The following STOM variants were observed in gnomAD, a reference collection of about 807,000 sequenced individuals.
STOM encodes stomatin.
Under a neutral mutation model 30.6 loss-of-function variants are expected in STOM, and 25 were observed. That is an observed-to-expected ratio of 0.82 (90% CI 0.60 to 1.14). The LOEUF is 1.14. Among genes scored for constraint, STOM ranks in the 50% most tolerant of loss-of-function variants. The pLI is 0.00. For missense variants in STOM, 292 were observed against 365.2 expected (o/e 0.80, Z 1.63); for synonymous variants, 118 against 130.8 (o/e 0.90, Z 0.67).
chr9:121,360,074 C>T (rs1244648933), intron 1 of STOM, among the ~76,000 whole-genome samples: 3 of 152,216 alleles, frequency 2.0e-5, no homozygotes, highest in African/African-American at 7.2e-5. Flanking sequence ...TCTCCCATAA[C>T]ATACTAGAGT....
chr9:121,349,051 C>A, intron 5 of STOM, 69 bp downstream of exon 5: 2 of 1,529,434 alleles, frequency 1.3e-6, no homozygotes, highest in South Asian at 1.2e-5. Context: ...AAAAGGTTCT[C>A]AAACAACCAT....
At chr9:121,343,072 G>A (rs1436130063) in intron 6 of STOM, among the ~76,000 whole-genome samples, 1 of 152,156 alleles carries the variant, frequency 6.6e-6, no homozygotes, top group African/African-American at 2.4e-5. Flanking sequence ...ATGAATAAAG[G>A]GGGCTATTAT....
chr9:121,351,209 T>C (rs760161252), intron 4 of STOM, among the ~76,000 whole-genome samples: 7 of 152,248 alleles, frequency 4.6e-5, no homozygotes, highest in Non-Finnish European at 8.8e-5. Context: ...GTAATGTTTA[T>C]AGTGGAAAAT....
At chr9:121,345,445 C>A (rs2064280783) in intron 6 of STOM, among the ~76,000 whole-genome samples, 2 of 152,166 alleles carry the variant, frequency 1.3e-5, no homozygotes, top group South Asian at 4.1e-4. Context: ...TCTATAAAGT[C>A]TCTTAATCTT....
intron 5 of STOM, 25 bp downstream of exon 5, chr9:121,349,095 G>T: frequency 6.2e-7 from 1 of 1,609,208 alleles, no homozygotes. Flanking sequence ...CTTCTGGGGG[G>T]TAACAGCATT....
chr9:121,348,173 C>A, intron 5 of STOM, 24 bp from the exon 6 acceptor site: 1 of 1,613,886 alleles, frequency 6.2e-7, no homozygotes, highest in Non-Finnish European at 8.5e-7. Context: ...AGAAGGCAAG[C>A]TAAATCTCCT....
chr9:121,355,938 A>C, intron 2 of STOM, 115 bp downstream of exon 2: 2 of 638,944 alleles, frequency 3.1e-6, no homozygotes, highest in Non-Finnish European at 5.0e-6. Context: ...AGAAATAAGA[A>C]TTATAAGAGA....
chr9:121,370,158 G>C lies in STOM; in HGVS notation c.30C>G (p.Ser10=), dbSNP rs754859731. ...AGGAGTCGGGGAGCCGCTGGGCTTC[G>C]GAGTCCCGTGTGTGCCGCTTCTCGG... MAEKRHTRD[S]EAQRLPDSFK... The change falls in exon 1 of 7, where the codon TCC becomes TCG. Residue 10 remains serine, a synonymous_variant. Coordinates refer to ENST00000286713, the MANE Select transcript of STOM (RefSeq NM_004099.6). 3.2e-6 allele frequency: 5 copies of C among 1,547,580 alleles called. No homozygotes were observed. In the South Asian group the frequency reaches 6.0e-5, roughly 18 times the overall value.
At position 121,349,390 on chromosome 9, in the gene STOM, T is replaced by G; in HGVS notation, c.322-67A>C. The G allele has an allele frequency of 2.1e-6, 3 of 1,399,468 alleles. No homozygotes were observed. The South Asian group carries it at 3.5e-5, about 16-fold the overall frequency. The allele number at this position is 1,399,468 out of a possible 1,614,324, so 86.7% of individuals were successfully genotyped here. On this transcript the variant is annotated intron_variant, in intron 4 of 6. Transcript: ENST00000286713. ...TTTTTTAACATAACTGTAAGGAATGTTATTCTACAGAATATCTTATAACAC... is the reference window on the plus strand; with the variant it reads ...TTTTTTAACATAACTGTAAGGAATGGTATTCTACAGAATATCTTATAACAC...
intron 1 of STOM, chr9:121,366,373 A>T (rs1017453815): frequency 9.7e-5 from 42 of 433,906 alleles, no homozygotes; most frequent in South Asian, 1.9e-4. Flanking sequence ...ATAGAAAATT[A>T]TCTATTGACA....
chr9:121,363,678 C>A (rs1427242344), intron 1 of STOM, among the ~76,000 whole-genome samples: 3 of 152,154 alleles, frequency 2.0e-5, no homozygotes, highest in African/African-American at 7.2e-5. Flanking sequence ...AGAGCTATTT[C>A]ATAACTTGTG....
intron 6 of STOM, among the ~76,000 whole-genome samples, chr9:121,341,872 G>C (rs74505791): frequency 0.039 from 5,901 of 152,216 alleles, 346 homozygotes; most frequent in Admixed American, 0.16. Context: ...GCTAAGAACT[G>C]TATGATACTA....
chr9:121,355,739 A>G (rs1276880293), intron 2 of STOM, among the ~76,000 whole-genome samples: 1 of 152,222 alleles, frequency 6.6e-6, no homozygotes, highest in Non-Finnish European at 1.5e-5. Context: ...CAGTAAAGCC[A>G]GCAGTCAAAC....
At chr9:121,350,041 A>G (rs550946361) in intron 4 of STOM, among the ~76,000 whole-genome samples, 54 of 152,372 alleles carry the variant, frequency 3.5e-4, no homozygotes, top group African/African-American at 1.2e-3. Context: ...AATACATTCA[A>G]GTGCTCAGAA....
chr9:121,358,259 C>T (rs2064416399), intron 1 of STOM, among the ~76,000 whole-genome samples: 1 of 151,994 alleles, frequency 6.6e-6, no homozygotes, highest in African/African-American at 2.4e-5. Context: ...GAGTTTGAGA[C>T]CAGCATGGGC....
At chr9:121,352,556 G>A (rs896841859) in intron 4 of STOM, among the ~76,000 whole-genome samples, 8 of 152,146 alleles carry the variant, frequency 5.3e-5, no homozygotes, top group African/African-American at 1.9e-4. Context: ...ATCCCTGTAT[G>A]CAAAACCCAT....
At chr9:121,357,437 A>ATATATATATATATATATATATT (rs1318433915) in intron 1 of STOM, among the ~76,000 whole-genome samples, 189 of 90,984 alleles carry the variant, frequency 2.1e-3, no homozygotes, top group African/African-American at 7.7e-3. Context: ...ATATATATAT[A>ATATATATATATATATATATATT]TATTTATTTA....
In STOM at chr9:121,348,044, CTTCTGCAGCCATAGCT is replaced by C. The variant is rs771669095; in HGVS notation, c.615_630del (p.Ala206GlnfsTer18). The C allele has an allele frequency of 1.2e-6, 2 of 1,614,166 alleles. No homozygotes were observed. Among genetic ancestry groups the C allele is most frequent in the South Asian group, 2.2e-5 (2 of 91,084 alleles). On this transcript the variant is annotated frameshift_variant, in exon 6 of 7. Coordinates refer to ENST00000286713, the MANE Select transcript of STOM (RefSeq NM_004099.6). LOFTEE classifies it high-confidence loss of function. ...GCGCGGGCCTCGCGGGACGCTTCTG[CTTCTGCAGCCATAGCT>C]CTCTGGAGCTGCACAGGTAGTTTCA...
intron 1 of STOM, among the ~76,000 whole-genome samples, chr9:121,360,902 A>C (rs1297347017): frequency 6.6e-6 from 1 of 152,230 alleles, no homozygotes; most frequent in Non-Finnish European, 1.5e-5. Context: ...GGTCTTTCAC[A>C]TATCAAATGC....
Sources: gnomAD v4.1 joint callset for allele counts (sites outside exome capture counted in the v4.1 genomes callset) on GRCh38, gnomAD v4.1.1 for gene constraint, MANE v1.5 for transcripts, NCBI Gene and HGNC (gene_info 2026-07-23, HGNC 2026-07-21) for gene names.